The following PI4KA variants were observed in gnomAD, a reference collection of about 807,000 sequenced individuals.
PI4KA encodes the protein phosphatidylinositol 4-kinase alpha.
PI4KA carries 122 observed loss-of-function variants against 271.4 expected under a neutral mutation model. The observed-to-expected ratio is 0.45, with a 90% confidence interval of 0.39 to 0.52. The LOEUF (loss-of-function observed/expected upper bound fraction) is 0.52, where lower values mean the gene tolerates loss of function less well. Ranked by LOEUF, PI4KA falls within the 20% of genes least tolerant of loss-of-function variation. PI4KA has a pLI of 0.00. For synonymous variants in PI4KA, 1,041 were observed against 1,078.8 expected (o/e 0.96, Z 0.69); for missense variants, 1,969 against 2,769.1 (o/e 0.71, Z 6.48).
intron 25 of PI4KA, among the ~76,000 whole-genome samples, chr22:20,752,619 G>A (rs1208921722): frequency 6.6e-6 from 1 of 152,204 alleles, no homozygotes; most frequent in East Asian, 1.9e-4. Flanking sequence ...TGGTGCACCA[G>A]GTCATGCCAG....
Position 20,803,042 on chromosome 22 carries a change from T to C in PI4KA, c.1591+149A>G, listed in dbSNP as rs1935418419. 1.6e-5 allele frequency: 12 copies of C among 746,782 alleles called. No homozygotes were observed. The South Asian group carries it at 1.8e-4, about 11-fold the overall frequency. The allele number at this position is 746,782 out of a possible 1,614,324, so 46.3% of individuals were successfully genotyped here. On this transcript the variant is annotated intron_variant, in intron 13 of 54. Coordinates refer to ENST00000255882, the MANE Select transcript of PI4KA (RefSeq NM_058004.4). ...GAGAGAAGGCCGGGGAAGAAAGGCC[T>C]GGAGCTTGGAGGGGACGCAAAGGGA... is the stretch of plus-strand genomic sequence containing the variant.
intron 27 of PI4KA, among the ~76,000 whole-genome samples, chr22:20,750,472 A>T (rs986552001): frequency 1.3e-5 from 2 of 152,188 alleles, no homozygotes; most frequent in Non-Finnish European, 2.9e-5. Context: ...AGCCCAAGAG[A>T]CTAGCACAGC....
At chr22:20,798,441 T>G in intron 17 of PI4KA, 143 bp downstream of exon 17, 2 of 648,564 alleles carry the variant, frequency 3.1e-6, no homozygotes, top group South Asian at 1.8e-5. Flanking sequence ...GGGTTTTCAC[T>G]TCCCCCCTTA....
chr22:20,757,075 A>G (rs1931393595), intron 23 of PI4KA, among the ~76,000 whole-genome samples: 1 of 152,246 alleles, frequency 6.6e-6, no homozygotes, highest in African/African-American at 2.4e-5. Context: ...AGCTGAGAAC[A>G]TAACAGAGGC....
rs758106217 is a variant in PI4KA, at chr22:20,807,364, T to A, written c.1166A>T (p.Lys389Met). 1.9e-6 allele frequency: 3 copies of A among 1,595,856 alleles called. No individual in the cohort carries two copies. In the Admixed American group the frequency reaches 5.0e-5, roughly 27 times the overall value. ...KMLRDTLYYM[K>M]DLPTSFVKEI... is the part of the protein sequence containing the mutation. ...ACACATGGGCAAACTGTCCTCACCC[T>A]TCATGTAGTACAGAGTGTCACGCAG... The change falls in exon 10 of 55, where the codon AAG becomes ATG. Residue 389 changes from lysine to methionine, a missense_variant and splice_region_variant. Physicochemically the swap from Lys to Met is moderately conservative, Grantham distance 95 (BLOSUM62 -1). This residue lies in a region of PI4KA where 540 missense variants were observed against 555.5 expected (regional missense o/e 0.97). Transcript: ENST00000255882.
chr22:20,790,743 A>ACAC (rs1934593750), intron 19 of PI4KA, among the ~76,000 whole-genome samples: 2 of 145,734 alleles, frequency 1.4e-5, no homozygotes, highest in Non-Finnish European at 3.1e-5. Context: ...CACACACACA[A>ACAC]CAAAAAAAAC....
At chr22:20,798,818 A>G (rs1935127618) in intron 16 of PI4KA, 131 bp from the exon 17 acceptor site, 1 of 691,366 alleles carries the variant, frequency 1.4e-6, no homozygotes, top group Non-Finnish European at 2.5e-6. Context: ...AAGATCATCC[A>G]TTTCTAAAGC....
chr22:20,761,719 G>A (rs1931991039), intron 22 of PI4KA, among the ~76,000 whole-genome samples: 1 of 152,180 alleles, frequency 6.6e-6, no homozygotes, highest in South Asian at 2.1e-4. Flanking sequence ...ATACCCATTC[G>A]ATGACACATC....
chr22:20,795,617 C>T (rs1042700715), intron 18 of PI4KA, among the ~76,000 whole-genome samples: 4 of 152,182 alleles, frequency 2.6e-5, no homozygotes, highest in African/African-American at 7.2e-5. Context: ...CTAGTGCCCA[C>T]GTGACATGCT....
At chr22:20,751,429 T>C in intron 26 of PI4KA, 53 bp from the exon 27 acceptor site, 1 of 1,506,834 alleles carries the variant, frequency 6.6e-7, no homozygotes, top group Non-Finnish European at 9.2e-7. Context: ...AAGTTGCCAC[T>C]AGCAACCACA....
At position 20,712,337 on chromosome 22, in the gene PI4KA, G is replaced by T. The variant is rs537742172; in HGVS notation, c.5802+149C>A. 7.3e-5 allele frequency: 113 copies of T among 1,542,706 alleles called. No homozygotes were observed. In the South Asian group the frequency reaches 1.3e-3, roughly 18 times the overall value. ...CCCAAAGTGCTAGGATTACAGGTGT[G>T]AGCCACCGTGCCCGGCCCAGGTGCC... On this transcript the variant is annotated intron_variant, in intron 50 of 54. Transcript: ENST00000255882.
intron 29 of PI4KA, among the ~76,000 whole-genome samples, chr22:20,746,333 A>C (rs1014157003): frequency 7.9e-5 from 12 of 152,130 alleles, no homozygotes; most frequent in Non-Finnish European, 1.3e-4. Context: ...AAGTGCTGGG[A>C]TTACAGGCAT....
chr22:20,774,758 CAAAAA>C (rs361993), intron 19 of PI4KA, among the ~76,000 whole-genome samples: 5 of 107,356 alleles, frequency 4.7e-5, no homozygotes, highest in Admixed American at 1.9e-4. Flanking sequence ...TAGACTCCGT[CAAAAA>C]AAAAAAAAAA....
intron 3 of PI4KA, among the ~76,000 whole-genome samples, chr22:20,832,515 A>G (rs564936303): frequency 2.6e-5 from 4 of 151,648 alleles, no homozygotes; most frequent in South Asian, 2.1e-4. Flanking sequence ...GTGCAGTGGC[A>G]TGATCTCAGC....
Position 20,707,871 on chromosome 22 carries a change from A to G in PI4KA, c.*176T>C. ...CATCCATTGATTGTCGCTGCAGTCCATGGCGTTACCAAGGCTGCGCCACCC... is the reference window on the plus strand; with the variant it reads ...CATCCATTGATTGTCGCTGCAGTCCGTGGCGTTACCAAGGCTGCGCCACCC... On this transcript the variant is annotated 3_prime_UTR_variant, in exon 55 of 55. Coordinates refer to ENST00000255882, the MANE Select transcript of PI4KA (RefSeq NM_058004.4). 1.4e-6 allele frequency: 1 copy of G among 729,490 alleles called. No individual in the cohort carries two copies. The highest frequency in any genetic ancestry group is 1.7e-5 in the African/African-American group (1 of 57,928). 45.2% of individuals were successfully genotyped at this position (729,490 alleles called of 1,614,324 possible).
chr22:20,787,172 A>T, intron 19 of PI4KA: 1 of 1,047,276 alleles, frequency 9.5e-7, no homozygotes, highest in Non-Finnish European at 1.5e-6. Context: ...AGTTTACGCT[A>T]CCAATCTGAA....
At chr22:20,801,856 A>C in intron 14 of PI4KA, 117 bp downstream of exon 14, 1 of 1,155,718 alleles carries the variant, frequency 8.7e-7, no homozygotes, top group African/African-American at 1.5e-5. Flanking sequence ...ACTGCATTCC[A>C]GCCTGGGCAA....
intron 23 of PI4KA, among the ~76,000 whole-genome samples, chr22:20,754,746 G>A (rs891243109): frequency 2.6e-5 from 4 of 152,170 alleles, no homozygotes; most frequent in South Asian, 4.2e-4. Flanking sequence ...TCAGGAGTTC[G>A]AGACCAGCCT....
intron 32 of PI4KA, among the ~76,000 whole-genome samples, chr22:20,740,687 GA>G (rs1381640966): frequency 6.6e-6 from 1 of 152,194 alleles, no homozygotes; most frequent in African/African-American, 2.4e-5. Context: ...ATCCTCAGGA[GA>G]ACTGGTTCCA....
Sources: allele counts gnomAD v4.1 joint callset (sites outside exome capture counted in the v4.1 genomes callset), GRCh38; gene constraint gnomAD v4.1.1; regional missense constraint gnomAD v4.1.1; transcripts MANE v1.5; gene names NCBI Gene and HGNC (gene_info 2026-07-23, HGNC 2026-07-21).